Variants in TLDC2 observed in about 807,000 individuals in gnomAD.
TLDC2 encodes the protein TBC/LysM-associated domain containing 2.
In TLDC2, 23 loss-of-function variants were observed where a neutral mutation model predicts 27.9. The observed-to-expected ratio is 0.82, with a 90% CI of 0.59 to 1.17. TLDC2 has a LOEUF of 1.17. Among genes scored for constraint, TLDC2 ranks in the 50% most tolerant of loss-of-function variants. The pLI is 0.00. For synonymous variants in TLDC2, 124 were observed against 107.4 expected (o/e 1.16, Z -0.96); for missense variants, 286 against 273.4 (o/e 1.05, Z -0.32).
intron 2 of TLDC2, 92 bp from the exon 3 acceptor site, chr20:36,878,949 C>T (rs1989736505): frequency 1.9e-6 from 3 of 1,587,890 alleles, no homozygotes; most frequent in African/African-American, 1.3e-5. Context: ...AAGCACTGTG[C>T]TGGATGCATG....
At chr20:36,887,664 C>T (rs1212683921) in intron 5 of TLDC2, 136 bp downstream of exon 5, 9 of 809,016 alleles carry the variant, frequency 1.1e-5, no homozygotes, top group Non-Finnish European at 1.9e-5. Context: ...CCCCTCATTG[C>T]TCAGCCTCCC....
Position 36,892,858 on chromosome 20 carries a change from G to T in TLDC2, c.*18-4G>T. ...TTAAAGCATGAGTTGTCATTAATTT[G>T]CAGAATTCTATGATTGAAGCCTCTA... On this transcript the variant is annotated splice_polypyrimidine_tract_variant and splice_region_variant and intron_variant, in intron 6 of 6. Coordinates refer to ENST00000217320, the MANE Select transcript of TLDC2 (RefSeq NM_080628.3). The T allele has an allele frequency of 6.4e-7, 1 of 1,570,750 alleles. No individual in the cohort carries two copies. The highest frequency in any genetic ancestry group is 1.3e-5 in the African/African-American group (1 of 74,076).
intron 5 of TLDC2, among the ~76,000 whole-genome samples, chr20:36,888,362 G>C (rs1028675966): frequency 1.3e-5 from 2 of 151,718 alleles, no homozygotes; most frequent in African/African-American, 4.8e-5. Flanking sequence ...GTCTCGAGTA[G>C]CTGGGACAAC....
Position 36,892,783 on chromosome 20 carries a change from T to C in TLDC2, c.*18-79T>C. ...TTTGCCTAATACCATCTTATTTCTT[T>C]GATTAAAAGTTACTTAGCTTCAGCA... is the stretch of plus-strand genomic sequence containing the variant. On this transcript the variant is annotated intron_variant, in intron 6 of 6. Transcript: ENST00000217320. The C allele has an allele frequency of 3.0e-6, 3 of 986,514 alleles. No individual in the cohort carries two copies. In the African/African-American group the frequency reaches 4.8e-5, roughly 16 times the overall value. 61.1% of individuals were successfully genotyped at this position (986,514 alleles called of 1,614,324 possible).
At chr20:36,883,198 G>A (rs1320679779) in intron 4 of TLDC2, among the ~76,000 whole-genome samples, 3 of 150,982 alleles carry the variant, frequency 2.0e-5, no homozygotes, top group South Asian at 2.1e-4. Context: ...GGGCAGTAGC[G>A]CCATCTCGGC....
At chr20:36,890,388 ATTTCTTTCTCTTTC>A (rs1228470297) in intron 6 of TLDC2, 3 of 29,302 alleles carry the variant, frequency 1.0e-4, no homozygotes, top group African/African-American at 2.6e-4. Context: ...TAGCAAAGAT[ATTTCTTTCTCTTTC>A]TTTCTTTCTT....
intron 3 of TLDC2, among the ~76,000 whole-genome samples, chr20:36,880,081 A>ATGTATATATATATGTGTGTGTG (rs1213067863): frequency 2.4e-5 from 1 of 42,028 alleles, no homozygotes; most frequent in African/African-American, 6.1e-5. Context: ...ATATATATAT[A>ATGTATATATATATGTGTGTGTG]TATATATATA....
intron 6 of TLDC2, 46 bp downstream of exon 6, chr20:36,889,449 A>G (rs1247087768): frequency 2.5e-6 from 4 of 1,580,512 alleles, no homozygotes; most frequent in African/African-American, 1.3e-5. Context: ...CCTGACACAC[A>G]GCAGCCTGTG....
intron 4 of TLDC2, among the ~76,000 whole-genome samples, chr20:36,884,184 G>A (rs1479112171): frequency 2.0e-5 from 3 of 152,180 alleles, no homozygotes; most frequent in Non-Finnish European, 2.9e-5. Context: ...TTGGAGAAGA[G>A]CCAAAGTGTG....
intron 3 of TLDC2, 57 bp from the exon 4 acceptor site, chr20:36,880,598 G>A: frequency 2.7e-6 from 4 of 1,456,624 alleles, no homozygotes; most frequent in Admixed American, 1.7e-5. Flanking sequence ...AAGAATGAGG[G>A]TTGCCAGAGG....
At chr20:36,879,216 C>G in intron 3 of TLDC2, 23 bp downstream of exon 3, 1 of 1,603,916 alleles carries the variant, frequency 6.2e-7, no homozygotes, top group Non-Finnish European at 8.5e-7. Context: ...GGGGCACCAC[C>G]CGAGGCTCTG....
At chr20:36,884,044 A>C (rs1406045493) in intron 4 of TLDC2, among the ~76,000 whole-genome samples, 2 of 152,176 alleles carry the variant, frequency 1.3e-5, no homozygotes, top group Admixed American at 1.3e-4. Flanking sequence ...CAGTGAGTTG[A>C]GATCGTGCTG....
chr20:36,889,627 C>T, intron 6 of TLDC2: 2 of 404,170 alleles, frequency 4.9e-6, no homozygotes, highest in Non-Finnish European at 8.7e-6. Flanking sequence ...AGCACAGAGA[C>T]CCTAAGCTAA....
chr20:36,880,071 A>ATATATATATATATATATG (rs1491421336), intron 3 of TLDC2, among the ~76,000 whole-genome samples: 8,652 of 32,086 alleles, frequency 0.27, 695 homozygotes, highest in Middle Eastern at 0.39. Flanking sequence ...ATATATATAC[A>ATATATATATATATATATG]TATATATATA....
At chr20:36,880,899 C>A in intron 4 of TLDC2, 149 bp downstream of exon 4, 1 of 721,862 alleles carries the variant, frequency 1.4e-6, no homozygotes, top group Non-Finnish European at 2.3e-6. Flanking sequence ...CAGTGGTGGG[C>A]AGAGCATCCC....
intron 1 of TLDC2, among the ~76,000 whole-genome samples, chr20:36,877,399 A>G (rs367677895): frequency 0.017 from 2,392 of 140,060 alleles, 47 homozygotes; most frequent in Middle Eastern, 0.042. Context: ...AAAAAAAAGG[A>G]AAAAGAAAAA....
intron 1 of TLDC2, among the ~76,000 whole-genome samples, chr20:36,877,288 A>T (rs1241101829): frequency 1.3e-5 from 2 of 151,520 alleles, no homozygotes; most frequent in East Asian, 3.9e-4. Context: ...GGCTGAGACA[A>T]GAGAATTGCT....
At chr20:36,879,010 C>T (rs758241854) in intron 2 of TLDC2, 31 bp from the exon 3 acceptor site, 4 of 1,614,050 alleles carry the variant, frequency 2.5e-6, no homozygotes, top group South Asian at 1.1e-5. Flanking sequence ...GCGAGGAGAA[C>T]TCCTCCATTC....
intron 5 of TLDC2, among the ~76,000 whole-genome samples, chr20:36,888,463 T>C (rs1409792324): frequency 6.6e-6 from 1 of 151,870 alleles, no homozygotes; most frequent in Admixed American, 6.6e-5. Context: ...TCCCAGCACT[T>C]TGGGAGGCCG....
Sources: allele counts gnomAD v4.1 joint callset (sites outside exome capture counted in the v4.1 genomes callset), GRCh38; gene constraint gnomAD v4.1.1; transcripts MANE v1.5; gene names NCBI Gene and HGNC (gene_info 2026-07-23, HGNC 2026-07-21).